Variants in ARFGEF3 observed in about 807,000 individuals in gnomAD.
ARFGEF3 encodes the protein ARFGEF family member 3, also known as brefeldin A-inhibited guanine nucleotide-exchange protein 3.
Under a neutral mutation model 221.7 loss-of-function variants are expected in ARFGEF3, and 96 were observed. The ratio of observed to expected loss-of-function variants is 0.43; its 90% CI spans 0.37 to 0.51. The LOEUF is 0.51. Among genes scored for constraint, ARFGEF3 ranks in the 20% least tolerant of loss-of-function variants. ARFGEF3 has a pLI of 0.00. For synonymous variants in ARFGEF3, 1,145 were observed against 1,126.8 expected (o/e 1.02, Z -0.32); for missense variants, 2,410 against 2,789.9 (o/e 0.86, Z 3.07).
chr6:138,206,639 A>C (rs1777628747), intron 2 of ARFGEF3, among the ~76,000 whole-genome samples: 1 of 152,230 alleles, frequency 6.6e-6, no homozygotes, highest in Non-Finnish European at 1.5e-5. Context: ...AGGAAGAGGT[A>C]GAAGCAAGGC....
At chr6:138,281,364 G>T (rs1779193297) in intron 14 of ARFGEF3, among the ~76,000 whole-genome samples, 1 of 152,188 alleles carries the variant, frequency 6.6e-6, no homozygotes, top group Non-Finnish European at 1.5e-5. Flanking sequence ...GTGCAGGTTT[G>T]TTACCTGGGC....
intron 2 of ARFGEF3, among the ~76,000 whole-genome samples, chr6:138,188,138 C>T (rs892240355): frequency 2.0e-5 from 3 of 152,140 alleles, no homozygotes; most frequent in Non-Finnish European, 2.9e-5. Context: ...CTGGTTTTCG[C>T]AGATTTTTGT....
At chr6:138,207,176 G>A (rs1777639789) in intron 3 of ARFGEF3, 53 bp downstream of exon 3, 2 of 1,387,978 alleles carry the variant, frequency 1.4e-6, no homozygotes, top group South Asian at 1.2e-5. Context: ...GGCCACTTTG[G>A]CATTGAAAGG....
chr6:138,235,830 T>A (rs1778275287), intron 5 of ARFGEF3, among the ~76,000 whole-genome samples: 1 of 152,192 alleles, frequency 6.6e-6, no homozygotes, highest in African/African-American at 2.4e-5. Flanking sequence ...TGGGATACCT[T>A]TTTGTCATAT....
chr6:138,175,001 G>A (rs1776911284), intron 2 of ARFGEF3, among the ~76,000 whole-genome samples: 1 of 152,158 alleles, frequency 6.6e-6, no homozygotes, highest in African/African-American at 2.4e-5. Context: ...TTAAGTGACT[G>A]GTGACTGGAT....
At chr6:138,330,484 C>T (rs943598611) in intron 32 of ARFGEF3, among the ~76,000 whole-genome samples, 4 of 152,140 alleles carry the variant, frequency 2.6e-5, no homozygotes, top group East Asian at 1.9e-4. Context: ...TAATTGGTAT[C>T]GTTTCACAAC....
intron 26 of ARFGEF3, among the ~76,000 whole-genome samples, chr6:138,315,164 G>T (rs1509685): frequency 0.12 from 18,348 of 152,194 alleles, 1,457 homozygotes; most frequent in South Asian, 0.21. Context: ...GTTAGAGACT[G>T]GGGAAATTAA....
chr6:138,287,032 G>C (rs202021219), intron 16 of ARFGEF3, 42 bp from the exon 17 acceptor site: 16 of 1,558,878 alleles, frequency 1.0e-5, no homozygotes, highest in African/African-American at 1.4e-5. Context: ...AATGGTTAGA[G>C]GATATACTCA....
At chr6:138,307,913 G>A (rs139370803) in intron 23 of ARFGEF3, among the ~76,000 whole-genome samples, 9 of 152,146 alleles carry the variant, frequency 5.9e-5, no homozygotes, top group Non-Finnish European at 8.8e-5. Flanking sequence ...TACACAGCTC[G>A]TGACTAAGTT....
chr6:138,313,660 C>A (rs1779869549), intron 25 of ARFGEF3, 135 bp from the exon 26 acceptor site: 1 of 727,430 alleles, frequency 1.4e-6, no homozygotes, highest in South Asian at 2.0e-5. Flanking sequence ...AAATCCAAAT[C>A]ACGAATAATC....
rs138083427 is a variant in ARFGEF3, at chr6:138,335,026, C to T, written c.6180C>T (p.Asp2060=). Residue 2060 remains aspartate (D), a synonymous_variant, in exon 33 of 34, where the codon GAC becomes GAT. Transcript: ENST00000251691. ...AGCCACTGGGTCCCAGGGGCCAGGA[C>T]TCCCCGCTGCTTCAGCGTCCCCAGC... is the stretch of plus-strand genomic sequence containing the variant. ...KGEPLGPRGQ[D]SPLLQRPQHL... is the part of the protein sequence containing the mutation. 19 of 1,592,756 alleles carry T rather than the reference C, an allele frequency of 1.2e-5. No individual in the cohort carries two copies. The African/African-American group carries it at 2.3e-4, about 19-fold the overall frequency.
chr6:138,317,033 G>GTTT (rs760975751), intron 26 of ARFGEF3, among the ~76,000 whole-genome samples: 14 of 152,226 alleles, frequency 9.2e-5, no homozygotes, highest in African/African-American at 1.2e-4. Flanking sequence ...TAAAGGGGAA[G>GTTT]GAGAAGGAAA....
intron 2 of ARFGEF3, among the ~76,000 whole-genome samples, chr6:138,193,948 C>T (rs1777360618): frequency 6.6e-6 from 1 of 151,946 alleles, no homozygotes; most frequent in Non-Finnish European, 1.5e-5. Flanking sequence ...TAAGAGGTAG[C>T]TCTACAGTTG....
intron 26 of ARFGEF3, among the ~76,000 whole-genome samples, chr6:138,315,195 CTA>C (rs1187421715): frequency 1.3e-5 from 2 of 152,186 alleles, no homozygotes; most frequent in African/African-American, 4.8e-5. Flanking sequence ...AAGAGAGACT[CTA>C]TTTGTGACTG....
intron 31 of ARFGEF3, among the ~76,000 whole-genome samples, chr6:138,327,242 C>T (rs1240946242): frequency 6.6e-6 from 1 of 152,104 alleles, no homozygotes. Context: ...ACATCCTGCA[C>T]ATGGACCCCA....
At chr6:138,185,778 A>G (rs1777171481) in intron 2 of ARFGEF3, among the ~76,000 whole-genome samples, 1 of 152,180 alleles carries the variant, frequency 6.6e-6, no homozygotes, top group African/African-American at 2.4e-5. Flanking sequence ...AGAATCTCCC[A>G]TCCAGACCTT....
chr6:138,312,077 A>G (rs1372385678), intron 25 of ARFGEF3, among the ~76,000 whole-genome samples: 2 of 152,118 alleles, frequency 1.3e-5, no homozygotes, highest in Non-Finnish European at 2.9e-5. Flanking sequence ...AATTGCTTCA[A>G]CCCAGGAGGT....
chr6:138,176,308 A>T (rs1188767716), intron 2 of ARFGEF3, among the ~76,000 whole-genome samples: 1 of 151,782 alleles, frequency 6.6e-6, no homozygotes, highest in Non-Finnish European at 1.5e-5. Context: ...CAGCCTCCCA[A>T]ATAGCTGGGA....
intron 32 of ARFGEF3, among the ~76,000 whole-genome samples, chr6:138,329,763 G>A (rs978536296): frequency 3.3e-5 from 5 of 152,202 alleles, no homozygotes; most frequent in African/African-American, 1.2e-4. Flanking sequence ...GACAGAATGT[G>A]TCCCCCCACA....
Sources: allele counts gnomAD v4.1 joint callset (sites outside exome capture counted in the v4.1 genomes callset), GRCh38; gene constraint gnomAD v4.1.1; transcripts MANE v1.5; gene names NCBI Gene and HGNC (gene_info 2026-07-23, HGNC 2026-07-21).